Variants in NECTIN1 observed in about 807,000 individuals in gnomAD.
NECTIN1 encodes nectin-1.
NECTIN1 carries 23 observed loss-of-function variants against 48.0 expected under a neutral mutation model. The observed-to-expected ratio is 0.48, with a 90% CI of 0.34 to 0.68. The LOEUF (loss-of-function observed/expected upper bound fraction) is 0.68, where lower values mean the gene tolerates loss of function less well. Ranked by LOEUF, NECTIN1 falls within the 30% of genes least tolerant of loss-of-function variation. The probability of loss-of-function intolerance (pLI) is 0.01; values close to 1 mark genes in which losing one functional copy is unlikely to be tolerated. For synonymous variants in NECTIN1, 270 were observed against 288.9 expected, an observed-to-expected ratio of 0.93 and a Z score of 0.66; for missense variants, 591 against 709.9, an observed-to-expected ratio of 0.83 and a Z score of 1.90.
At chr11:119,641,523 CT>C in intron 5 of NECTIN1, 1 of 152,184 alleles carries the variant, frequency 6.6e-6, no homozygotes, top group African/African-American at 2.4e-5. Context: ...GGAGCCCCTG[CT>C]TCCTCTCATC....
chr11:119,678,364 C>A lies in NECTIN1; in HGVS notation c.430+51G>T. 1.3e-6 allele frequency: 2 copies of A among 1,545,542 alleles called. No individual in the cohort carries two copies. The highest frequency in any genetic ancestry group is 1.1e-5 in the South Asian group (1 of 89,598). On this transcript the variant is annotated intron_variant, in intron 2 of 5. Coordinates refer to ENST00000264025, the MANE Select transcript of NECTIN1 (RefSeq NM_002855.5). The surrounding 1 kb of genome is among the most constrained non-coding windows in gnomAD (Gnocchi z 4.4). ...GAGGCATCCTGAGGATGGCCACGCC[C>A]CGAGGTCACAGGCCTCTGGATGAAC...
chr11:119,717,426 C>T (rs1035536340), intron 1 of NECTIN1, among the ~76,000 whole-genome samples: 4 of 152,124 alleles, frequency 2.6e-5, no homozygotes, highest in African/African-American at 9.7e-5. Flanking sequence ...GGTGCCTCAA[C>T]GGCAGGGCTG....
intron 5 of NECTIN1, among the ~76,000 whole-genome samples, chr11:119,652,905 A>G (rs1864513686): frequency 1.3e-5 from 2 of 152,236 alleles, no homozygotes; most frequent in Non-Finnish European, 2.9e-5. Context: ...GGTACAAGAG[A>G]GAGGCACACT....
intron 6 of NECTIN1, chr11:119,639,478 TCTC>T (rs1422689863): frequency 9.3e-6 from 3 of 321,392 alleles, no homozygotes; most frequent in African/African-American, 6.4e-5. Context: ...TGTGCCTCTC[TCTC>T]CTCTCTGGTC....
chr11:119,667,295 G>A (rs1864789269), intron 5 of NECTIN1, among the ~76,000 whole-genome samples: 1 of 152,120 alleles, frequency 6.6e-6, no homozygotes, highest in Admixed American at 6.5e-5. Context: ...CCCCCTCCTC[G>A]GTTCTCACCC....
Position 119,684,282 on chromosome 11 carries a change from C to T in NECTIN1, c.80-5517G>A, listed in dbSNP as rs1162806840. 2.0e-5 allele frequency among the ~76,000 whole-genome samples: 3 copies of T among 152,250 alleles called. No individual in the cohort carries two copies. The highest frequency in any genetic ancestry group is 4.4e-5 in the Non-Finnish European group (3 of 68,048). ...CTTTTGTCCTGGCTGTGCCAGCCCA[C>T]CCCAGCCCCTCCTTTCCTGAGACTC... On this transcript the variant is annotated intron_variant, in intron 1 of 5. Transcript: ENST00000264025. This position sits in a 1 kb window ranked among gnomAD's most constrained non-coding sequence, Gnocchi z 5.2.
rs145005973 is a variant in NECTIN1, at chr11:119,665,178, C to A, written c.1123G>T (p.Val375Leu). Residue 375 changes from valine to leucine, a missense_variant, in exon 6 of 6, where the codon GTG (valine) becomes TTG (leucine). Transcript: ENST00000264025. This position sits in a 1 kb window ranked among gnomAD's most constrained non-coding sequence, Gnocchi z 5.1. ...LLVLIVVGGI[V>L]VALRRRRHTF... ...TGCCGGCGCCGACGCAGGGCGACCA[C>A]GATCCCGCCGACCACAATCAACACC... The A allele has an allele frequency of 6.2e-6, 10 of 1,609,938 alleles. No individual in the cohort carries two copies. The highest frequency in any genetic ancestry group is 8.5e-6 in the Non-Finnish European group (10 of 1,179,868).
At chr11:119,696,248 G>T (rs1449744336) in intron 1 of NECTIN1, among the ~76,000 whole-genome samples, 1 of 152,220 alleles carries the variant, frequency 6.6e-6, no homozygotes, top group African/African-American at 2.4e-5. Flanking sequence ...CCAGCCCAAA[G>T]GTAAAAGTCT....
At chr11:119,643,760 G>T (rs766676500) in intron 5 of NECTIN1, among the ~76,000 whole-genome samples, 11 of 152,230 alleles carry the variant, frequency 7.2e-5, no homozygotes, top group Non-Finnish European at 1.3e-4. Context: ...AGGCTTGAGG[G>T]CAGGCCCAGT....
At chr11:119,639,317 G>A (rs1864287085) in intron 6 of NECTIN1, among the ~76,000 whole-genome samples, 1 of 152,158 alleles carries the variant, frequency 6.6e-6, no homozygotes, top group African/African-American at 2.4e-5. Context: ...TGATGCGAAA[G>A]GAAAAGTCAG....
At chr11:119,722,015 T>G (rs1197143791) in intron 1 of NECTIN1, among the ~76,000 whole-genome samples, 3 of 152,188 alleles carry the variant, frequency 2.0e-5, no homozygotes, top group Admixed American at 2.0e-4. Flanking sequence ...GACCGTCCCA[T>G]GGACACTTTC....
intron 6 of NECTIN1, chr11:119,639,594 G>A: frequency 1.9e-6 from 1 of 531,834 alleles, no homozygotes; most frequent in South Asian, 2.0e-5. Context: ...ATCGTGGATG[G>A]TAATCATGCA....
Position 119,661,386 on chromosome 11 carries a change from C to T in NECTIN1, c.*3361G>A. On this transcript the variant is annotated 3_prime_UTR_variant, in exon 6 of 6. Transcript: ENST00000264025. ...TGGCAGCAGCAGAGGGGCCTGCCTC[C>T]TGGCATCCCCGGTACTGGGCAGTGT... 2.0e-6 allele frequency: 2 copies of T among 986,394 alleles called. No individual in the cohort carries two copies. Among genetic ancestry groups the T allele is most frequent in the South Asian group, 9.4e-5 (2 of 21,290 alleles). The allele number at this position is 986,394 out of a possible 1,614,324, so 61.1% of individuals were successfully genotyped here. A position where few individuals can be genotyped will look rare whatever the true frequency, so the allele number is the denominator to read the frequency against.
rs370190783 is a variant in NECTIN1, at chr11:119,648,298, G to A, written c.1004-8286C>T. Among the ~76,000 whole-genome samples the A allele has an allele frequency of 8.8e-3, 157 of 17,858 alleles. 5 individuals carry two copies. Among genetic ancestry groups the A allele is most frequent in the African/African-American group, 0.018 (88 of 4,828 alleles). 11.7% of individuals were successfully genotyped at this position (17,858 alleles called of 152,430 possible). On this transcript the variant is annotated intron_variant, in intron 5 of 7. Coordinates refer to the NECTIN1 transcript ENST00000341398. Reference sequence around the variant, plus strand: ...GGTGATGGTGGTGGTGATGGTGGTGGTGGTGGTGATGGTGGTGATGGTGAT... The same window carrying A: ...GGTGATGGTGGTGGTGATGGTGGTGATGGTGGTGATGGTGGTGATGGTGAT...
At chr11:119,725,758 G>A (rs1373126687) in intron 1 of NECTIN1, among the ~76,000 whole-genome samples, 1 of 152,224 alleles carries the variant, frequency 6.6e-6, no homozygotes, top group Non-Finnish European at 1.5e-5. Context: ...TCTTCCGAGG[G>A]TGTGCATGAC....
At chr11:119,692,778 T>C (rs1865280112) in intron 1 of NECTIN1, among the ~76,000 whole-genome samples, 1 of 152,240 alleles carries the variant, frequency 6.6e-6, no homozygotes, top group Non-Finnish European at 1.5e-5. Context: ...GGTCACACAG[T>C]CTGCAAGACT....
intron 5 of NECTIN1, among the ~76,000 whole-genome samples, chr11:119,648,331 A>ATGGTGG (rs1167248723): frequency 3.1e-3 from 10 of 3,192 alleles, no homozygotes; most frequent in Admixed American, 5.7e-3. Flanking sequence ...GATGGTGGTG[A>ATGGTGG]TGGTGGTGGT....
At chr11:119,704,757 G>A (rs60802608) in intron 1 of NECTIN1, among the ~76,000 whole-genome samples, 1,812 of 152,242 alleles carry the variant, frequency 0.012, 36 homozygotes, top group African/African-American at 0.042. Context: ...ACTCCACCCC[G>A]GGAGGCTCTC....
rs143408085 is a variant in NECTIN1 at position 119,709,536 on chromosome 11, G to A, written c.79+18939C>T. Among the ~76,000 whole-genome samples, 4,925 of 152,274 alleles carry A rather than the reference G, an allele frequency of 0.032. 134 individuals are homozygous for A. The highest frequency in any genetic ancestry group is 0.082 in the Middle Eastern group (24 of 292). Reference sequence around the variant, plus strand: ...CTCACTTCCAGGGGTGGAGGTTCAGGGGTTGGGGAAGGGAAGGGCTAGCTC... The same window carrying A: ...CTCACTTCCAGGGGTGGAGGTTCAGAGGTTGGGGAAGGGAAGGGCTAGCTC... On this transcript the variant is annotated intron_variant, in intron 1 of 5. Coordinates refer to ENST00000264025, the MANE Select transcript of NECTIN1 (RefSeq NM_002855.5). This position sits in a 1 kb window ranked among gnomAD's most constrained non-coding sequence, Gnocchi z 4.1.
Sources: gnomAD v4.1 joint callset for allele counts (sites outside exome capture counted in the v4.1 genomes callset) on GRCh38, gnomAD v4.1.1 for gene constraint, Gnocchi (gnomAD v3.1) non-coding constraint, MANE v1.5 for transcripts, NCBI Gene and HGNC (gene_info 2026-07-23, HGNC 2026-07-21) for gene names.